SLC2A12: variants seen among roughly 807,000 people sequenced by gnomAD.
SLC2A12 encodes the protein solute carrier family 2, facilitated glucose transporter member 12.
SLC2A12 carries 23 observed loss-of-function variants against 41.8 expected under a neutral mutation model. The ratio of observed to expected loss-of-function variants is 0.55; its 90% CI spans 0.40 to 0.78. SLC2A12 has a LOEUF of 0.78. Among genes scored for constraint, SLC2A12 ranks in the 30% least tolerant of loss-of-function variants. SLC2A12 has a pLI of 0.00. For synonymous variants in SLC2A12, 295 were observed against 285.9 expected (o/e 1.03, Z -0.32); for missense variants, 654 against 745.6 (o/e 0.88, Z 1.43).
chr6:134,021,267 A>G (rs550014312), intron 2 of SLC2A12, among the ~76,000 whole-genome samples: 2 of 152,286 alleles, frequency 1.3e-5, no homozygotes, highest in East Asian at 3.9e-4. Flanking sequence ...CATTTTTCCT[A>G]TGTCTGCATC....
chr6:134,048,910 C>T (rs1205501318), intron 1 of SLC2A12, among the ~76,000 whole-genome samples: 2 of 152,238 alleles, frequency 1.3e-5, no homozygotes, highest in East Asian at 3.9e-4. Flanking sequence ...TCCAAGTCTC[C>T]GTCTCTTTTA....
intron 4 of SLC2A12, among the ~76,000 whole-genome samples, chr6:133,996,304 G>T (rs868076828): frequency 6.6e-6 from 1 of 152,210 alleles, no homozygotes; most frequent in Admixed American, 6.5e-5. Flanking sequence ...CTTAAGCTGG[G>T]GGGAAAAGTA....
chr6:133,993,353 C>T (rs1025036087), intron 4 of SLC2A12, among the ~76,000 whole-genome samples: 10 of 152,274 alleles, frequency 6.6e-5, no homozygotes, highest in Non-Finnish European at 1.0e-4. Context: ...TCTCCAAATC[C>T]GAGCTCTATT....
intron 2 of SLC2A12, among the ~76,000 whole-genome samples, chr6:134,017,555 G>A (rs1217874712): frequency 6.6e-6 from 1 of 152,168 alleles, no homozygotes; most frequent in African/African-American, 2.4e-5. Context: ...CACCAACTTA[G>A]AAGAGTGGAC....
At chr6:134,033,151 G>C (rs905667307) in intron 1 of SLC2A12, among the ~76,000 whole-genome samples, 1 of 151,906 alleles carries the variant, frequency 6.6e-6, no homozygotes, top group Non-Finnish European at 1.5e-5. Context: ...AAGTACAGAG[G>C]GGGCACTTCA....
At chr6:134,003,692 A>G (rs1776778641) in intron 3 of SLC2A12, among the ~76,000 whole-genome samples, 2 of 152,142 alleles carry the variant, frequency 1.3e-5, no homozygotes, top group Non-Finnish European at 1.5e-5. Flanking sequence ...TTCTTCCCAC[A>G]GCATAGGTTA....
At chr6:134,036,348 G>T (rs769831417) in intron 1 of SLC2A12, among the ~76,000 whole-genome samples, 1 of 151,994 alleles carries the variant, frequency 6.6e-6, no homozygotes, top group South Asian at 2.1e-4. Flanking sequence ...CTCCCTGAAC[G>T]CCTTTGTTCC....
In SLC2A12 at chr6:134,002,125, A is replaced by G. The variant is rs746778439; in HGVS notation, c.1572T>C (p.Leu524=). 6.3e-7 allele frequency: 1 copy of G among 1,592,486 alleles called. No homozygotes were observed. The highest frequency in any genetic ancestry group is 8.5e-7 in the Non-Finnish European group (1 of 1,173,782). The change falls in exon 4 of 5, where the codon CTT becomes CTC. Residue 524 remains leucine (L), a synonymous_variant. Transcript: ENST00000275230. Reference sequence around the variant, plus strand: ...TAAAGCACACCCATGGCAGGCCAATAAGATCTATAAAGGACAAAAGAAATT... The same window carrying G: ...TAAAGCACACCCATGGCAGGCCAATGAGATCTATAAAGGACAAAAGAAATT... The part of the protein sequence containing the change: ...ISLTFLTVTD[L]IGLPWVCFIY...
chr6:134,026,655 A>C (rs577920403), intron 2 of SLC2A12, among the ~76,000 whole-genome samples: 81 of 152,304 alleles, frequency 5.3e-4, no homozygotes, highest in South Asian at 1.0e-3. Flanking sequence ...AAGCAGGTTT[A>C]AGGTTCAGGA....
chr6:134,035,911 A>T lies in SLC2A12; in HGVS notation c.104-6190T>A, dbSNP rs9389132. The stretch of plus-strand genomic sequence containing the variant: ...GCAGCACAAGAGCACCAAGGGTGCC[A>T]CGAGACTGTAGCACCAGCCACCACC... On this transcript the variant is annotated intron_variant, in intron 1 of 4. Transcript: ENST00000275230. 0.01 allele frequency among the ~76,000 whole-genome samples: 1,594 copies of T among 152,340 alleles called. 55 individuals carry two copies. In the East Asian group the frequency reaches 0.13, roughly 12 times the overall value.
chr6:133,995,814 A>G (rs914619597), intron 4 of SLC2A12, among the ~76,000 whole-genome samples: 1 of 152,182 alleles, frequency 6.6e-6, no homozygotes. Flanking sequence ...AGCCCTGCAC[A>G]CTAGTCTCTA....
rs560693719 is a variant in SLC2A12, at chr6:133,988,769, C to G, written c.*2386G>C. The G allele has an allele frequency of 4.6e-5, 7 of 151,672 alleles. No homozygotes were observed. The highest frequency in any genetic ancestry group is 2.1e-4 in the South Asian group (1 of 4,794). 9.4% of individuals were successfully genotyped at this position (151,672 alleles called of 1,614,324 possible). A position where few individuals can be genotyped will look rare whatever the true frequency, so the allele number is the denominator to read the frequency against. On this transcript the variant is annotated 3_prime_UTR_variant, in exon 5 of 5. Transcript: ENST00000275230. ...TGTTTATTTCCTTTATTTTAAGATT[C>G]AGTAGGATAGCCAAATTCATAGAGA...
intron 4 of SLC2A12, among the ~76,000 whole-genome samples, chr6:133,999,576 T>A (rs1776731796): frequency 6.6e-6 from 1 of 152,150 alleles, no homozygotes. Flanking sequence ...GAGTTTGACA[T>A]GTGAGGAAGC....
intron 1 of SLC2A12, among the ~76,000 whole-genome samples, chr6:134,037,117 C>T (rs1400785421): frequency 6.7e-6 from 1 of 150,078 alleles, no homozygotes; most frequent in Non-Finnish European, 1.5e-5. Flanking sequence ...GTTTGCCTTC[C>T]TTCACAGCCC....
rs1562201595 is a variant in SLC2A12 at position 134,032,425 on chromosome 6, TTTA to T, written c.104-2707_104-2705del. The stretch of plus-strand genomic sequence containing the variant: ...GGAGAAATATATATATATATATATA[TTTA>T]TATATATATATATATATATAAATAT... On this transcript the variant is annotated intron_variant, in intron 1 of 4. Coordinates refer to ENST00000275230, the MANE Select transcript of SLC2A12 (RefSeq NM_145176.3). 2.5e-4 allele frequency among the ~76,000 whole-genome samples: 8 copies of T among 32,140 alleles called. No homozygotes were observed. In the East Asian group the frequency reaches 3.3e-3, roughly 13 times the overall value. The allele number at this position is 32,140 out of a possible 152,430, so 21.1% of individuals were successfully genotyped here.
At position 134,009,846 on chromosome 6, in the gene SLC2A12, C is replaced by T. The variant is rs189765299; in HGVS notation, c.1445-2912G>A. 2.2e-3 allele frequency among the ~76,000 whole-genome samples: 340 copies of T among 152,112 alleles called. 1 individual carries two copies. The highest frequency in any genetic ancestry group is 7.3e-3 in the South Asian group (35 of 4,812). ...AGCAACAGAGTGAGACCTTGTCCCT[C>T]ACCCCAATAAAGAGAGAATATTATT... On this transcript the variant is annotated intron_variant, in intron 2 of 4. Coordinates refer to ENST00000275230, the MANE Select transcript of SLC2A12 (RefSeq NM_145176.3).
At chr6:134,004,437 A>G (rs1236517195) in intron 3 of SLC2A12, among the ~76,000 whole-genome samples, 1 of 152,222 alleles carries the variant, frequency 6.6e-6, no homozygotes, top group Non-Finnish European at 1.5e-5. Context: ...TATACTAAAT[A>G]TATATGTATG....
chr6:133,999,350 A>G (rs229903), intron 4 of SLC2A12, among the ~76,000 whole-genome samples: 81,595 of 152,030 alleles, frequency 0.54, 23,689 homozygotes, highest in East Asian at 0.76. Context: ...AAGAACTTCA[A>G]GAAAGAATAG....
intron 2 of SLC2A12, among the ~76,000 whole-genome samples, chr6:134,014,095 G>GT (rs1226118042): frequency 6.6e-6 from 1 of 152,144 alleles, no homozygotes; most frequent in Non-Finnish European, 1.5e-5. Context: ...TTGGCACCAG[G>GT]GACTGGTTTT....
Sources: allele counts gnomAD v4.1 joint callset (sites outside exome capture counted in the v4.1 genomes callset), GRCh38; gene constraint gnomAD v4.1.1; transcripts MANE v1.5; gene names NCBI Gene and HGNC (gene_info 2026-07-23, HGNC 2026-07-21).